The following MTAP variants were observed in gnomAD, a reference collection of about 807,000 sequenced individuals.
MTAP encodes S-methyl-5'-thioadenosine phosphorylase.
MTAP carries 33 observed loss-of-function variants against 33.6 expected under a neutral mutation model. The ratio of observed to expected loss-of-function variants is 0.98; its 90% CI spans 0.74 to 1.31. The LOEUF (loss-of-function observed/expected upper bound fraction) is 1.31, where lower values mean the gene tolerates loss of function less well. MTAP is among the 40% of genes most tolerant of loss of function. MTAP has a pLI of 0.00. For synonymous variants in MTAP, 148 were observed against 125.7 expected (o/e 1.18, Z -1.19); for missense variants, 367 against 360.0 (o/e 1.02, Z -0.16).
chr9:21,880,991 A>C (rs1266534825), intron 1 of MTAP, among the ~76,000 whole-genome samples: 3 of 152,070 alleles, frequency 2.0e-5, no homozygotes, highest in African/African-American at 7.2e-5. Context: ...AAGTCTGACA[A>C]TGCCTGATTT....
intron 4 of MTAP, among the ~76,000 whole-genome samples, chr9:21,831,382 G>A (rs1426845920): frequency 1.3e-5 from 2 of 152,110 alleles, no homozygotes; most frequent in Non-Finnish European, 2.9e-5. Context: ...TGTTGCCCGG[G>A]GTAGAGTGCA....
chr9:21,872,941 G>A (rs535211050), intron 1 of MTAP, among the ~76,000 whole-genome samples: 9 of 152,286 alleles, frequency 5.9e-5, no homozygotes, highest in African/African-American at 2.2e-4. Flanking sequence ...AAGGATCATG[G>A]TGTCCTGGCA....
chr9:21,888,546 G>A (rs1818149992), intron 1 of MTAP, among the ~76,000 whole-genome samples: 1 of 152,014 alleles, frequency 6.6e-6, no homozygotes, highest in South Asian at 2.1e-4. Context: ...TTTCCTCTTG[G>A]ACTAGTCTTT....
At chr9:21,805,931 T>C (rs1824197070) in intron 1 of MTAP, among the ~76,000 whole-genome samples, 1 of 151,646 alleles carries the variant, frequency 6.6e-6, no homozygotes, top group South Asian at 2.1e-4. Context: ...GAGATGGGGG[T>C]AGGAGAGCGA....
intron 1 of MTAP, among the ~76,000 whole-genome samples, chr9:21,872,590 C>T (rs1172483408): frequency 6.6e-6 from 1 of 152,126 alleles, no homozygotes; most frequent in Non-Finnish European, 1.5e-5. Flanking sequence ...CTAATGGGCT[C>T]AATCCTAAAT....
Position 21,863,753 on chromosome 9 carries a change from CT to C in MTAP, c.*1743del. 1 of 985,750 alleles carries C rather than the reference CT, an allele frequency of 1.0e-6. No individual in the cohort carries two copies. Among genetic ancestry groups the C allele is most frequent in the African/African-American group, 1.7e-5 (1 of 57,318 alleles). 61.1% of individuals were successfully genotyped at this position (985,750 alleles called of 1,614,324 possible). ...ATACTTCAGGATCAAGATACAGAAC[CT>C]TTTATTTAAAGAGTTTGTAAAGTCA... On this transcript the variant is annotated 3_prime_UTR_variant, in exon 8 of 8. Coordinates refer to ENST00000644715, the MANE Select transcript of MTAP (RefSeq NM_002451.4).
At chr9:21,938,285 A>G (rs545843058), downstream of MTAP, among the ~76,000 whole-genome samples, 1 of 151,736 alleles carries the variant, frequency 6.6e-6, no homozygotes, top group East Asian at 1.9e-4. Flanking sequence ...AAAAAAAAAA[A>G]AAAAATTAGC....
chr9:21,812,256 G>A, intron 1 of MTAP: 2 of 229,130 alleles, frequency 8.7e-6, no homozygotes, highest in Non-Finnish European at 8.9e-6. Flanking sequence ...CCCACTCATG[G>A]CTGCAGACAC....
chr9:21,808,164 G>A (rs1281922689), intron 1 of MTAP, among the ~76,000 whole-genome samples: 3 of 152,222 alleles, frequency 2.0e-5, no homozygotes, highest in Non-Finnish European at 4.4e-5. Flanking sequence ...GTCCACCGAA[G>A]TTTGACAGCC....
At chr9:21,851,555 A>C (rs1825512646) in intron 5 of MTAP, among the ~76,000 whole-genome samples, 1 of 152,108 alleles carries the variant, frequency 6.6e-6, no homozygotes, top group South Asian at 2.1e-4. Flanking sequence ...TTATGACCTT[A>C]TTATTGTCTT....
intron 1 of MTAP, among the ~76,000 whole-genome samples, chr9:21,914,769 C>T (rs1029441630): frequency 1.4e-5 from 2 of 145,564 alleles, no homozygotes; most frequent in African/African-American, 5.3e-5. Context: ...TACCCTGGAA[C>T]TTAAAGTATA....
chr9:21,816,239 G>A (rs1057135002), intron 2 of MTAP, among the ~76,000 whole-genome samples: 2 of 152,068 alleles, frequency 1.3e-5, no homozygotes, highest in South Asian at 2.1e-4. Flanking sequence ...TAAACCCCTC[G>A]GTTCTAAGGG....
intron 4 of MTAP, 70 bp downstream of exon 4, chr9:21,818,272 G>C (rs1824534448): frequency 4.8e-6 from 7 of 1,466,658 alleles, no homozygotes; most frequent in Admixed American, 1.9e-5. Context: ...ACGACGCGTG[G>C]GAACCGGCAG....
chr9:21,855,166 A>G lies in MTAP; in HGVS notation c.690+296A>G, dbSNP rs546220431. ...AGGATAAAGGTGTATTTTGATTGCC[A>G]ATTTCTGCTGCTATGCTACTGTTTT... is the stretch of plus-strand genomic sequence containing the variant. On this transcript the variant is annotated intron_variant, in intron 6 of 7. Transcript: ENST00000644715. 7.4e-4 allele frequency among the ~76,000 whole-genome samples: 113 copies of G among 152,316 alleles called. 1 individual carries two copies. Among genetic ancestry groups the G allele is most frequent in the Non-Finnish European group, 1.1e-3 (78 of 68,028 alleles).
intron 1 of MTAP, among the ~76,000 whole-genome samples, chr9:21,880,360 TTTA>T (rs1817986133): frequency 1.3e-5 from 2 of 152,086 alleles, no homozygotes; most frequent in African/African-American, 4.8e-5. Context: ...GATAATCCAG[TTTA>T]TGGTATTTAG....
chr9:21,807,404 A>G (rs1176471145), intron 1 of MTAP, among the ~76,000 whole-genome samples: 1 of 152,188 alleles, frequency 6.6e-6, no homozygotes, highest in African/African-American at 2.4e-5. Flanking sequence ...ACTGAGGACA[A>G]CCTGCAGGCC....
At chr9:21,883,221 G>T (rs1041215012) in intron 1 of MTAP, among the ~76,000 whole-genome samples, 3 of 151,512 alleles carry the variant, frequency 2.0e-5, no homozygotes, top group Non-Finnish European at 4.4e-5. Flanking sequence ...GGGAGTAAAA[G>T]ATTTAAATAG....
Position 21,897,574 on chromosome 9 carries a change from T to G in MTAP, c.148-33434T>G, listed in dbSNP as rs571934923. 5.3e-5 allele frequency among the ~76,000 whole-genome samples: 8 copies of G among 152,270 alleles called. No individual in the cohort carries two copies. In the East Asian group the frequency reaches 1.5e-3, roughly 29 times the overall value. ...CAATGTGAAAACATCACAAGCATTC[T>G]TATACACCAATAACAGACAAACAGA... is the stretch of plus-strand genomic sequence containing the variant. On this transcript the variant is annotated intron_variant, in intron 1 of 1. Coordinates refer to the MTAP transcript ENST00000577563.
chr9:21,933,004 G>A (rs1818987716), downstream of MTAP: 1 of 152,174 alleles, frequency 6.6e-6, no homozygotes. Context: ...GAATAAACCA[G>A]CTGGGCTTTC....
Sources: allele counts gnomAD v4.1 joint callset (sites outside exome capture counted in the v4.1 genomes callset), GRCh38; gene constraint gnomAD v4.1.1; transcripts MANE v1.5; gene names NCBI Gene and HGNC (gene_info 2026-07-23, HGNC 2026-07-21).